Variants in CCND3 observed in about 807,000 individuals in gnomAD.
CCND3 encodes G1/S-specific cyclin-D3.
A neutral mutation model predicts 28.7 loss-of-function variants in CCND3; 9 were observed. The observed-to-expected ratio is 0.31, with a 90% CI of 0.19 to 0.55. The LOEUF (loss-of-function observed/expected upper bound fraction) is 0.55, where lower values mean the gene tolerates loss of function less well. Among genes scored for constraint, CCND3 ranks in the 20% least tolerant of loss-of-function variants. CCND3 has a pLI of 0.93. For synonymous variants in CCND3, 164 were observed against 163.9 expected, an observed-to-expected ratio of 1.00 and a Z score of 0.00; for missense variants, 315 against 385.8, an observed-to-expected ratio of 0.82 and a Z score of 1.54.
At chr6:41,959,782 C>T (rs897839125) in intron 1 of CCND3, among the ~76,000 whole-genome samples, 4 of 151,732 alleles carry the variant, frequency 2.6e-5, no homozygotes, top group African/African-American at 9.7e-5. Flanking sequence ...ATGGTGAAAT[C>T]CTATCTCTAC....
chr6:41,942,902 G>A (rs1776076870), upstream of CCND3, among the ~76,000 whole-genome samples: 2 of 108,170 alleles, frequency 1.8e-5, no homozygotes, highest in Non-Finnish European at 3.5e-5. Flanking sequence ...TTTTTGAGAC[G>A]AAGTCTCACT....
chr6:41,964,468 G>A (rs1761816481), intron 1 of CCND3, among the ~76,000 whole-genome samples: 1 of 134,520 alleles, frequency 7.4e-6, no homozygotes, highest in African/African-American at 3.1e-5. Context: ...GTGTGAGTGT[G>A]TGTGTGAGTG....
chr6:41,978,147 G>A lies in CCND3; in HGVS notation c.-45-37562C>T, dbSNP rs1235838105. 3.3e-5 allele frequency among the ~76,000 whole-genome samples: 5 copies of A among 151,892 alleles called. No individual in the cohort carries two copies. The South Asian group carries it at 6.2e-4, about 19-fold the overall frequency. On this transcript the variant is annotated intron_variant, in intron 1 of 4. Coordinates refer to the CCND3 transcript ENST00000372988. ...CCCAGCACTTTGGGAGGCCGAGACGGGTGGATCACGAGGTCAGGAGATCGA... is the reference window on the plus strand; with the variant it reads ...CCCAGCACTTTGGGAGGCCGAGACGAGTGGATCACGAGGTCAGGAGATCGA...
intron 1 of CCND3, among the ~76,000 whole-genome samples, chr6:42,007,509 CA>C (rs1763210875): frequency 1.3e-5 from 2 of 152,098 alleles, no homozygotes; most frequent in South Asian, 4.1e-4. Context: ...AGCCCAAATG[CA>C]GGGGGTTAAA....
chr6:42,015,772 G>A (rs1430125812), intron 1 of CCND3, among the ~76,000 whole-genome samples: 1 of 151,806 alleles, frequency 6.6e-6, no homozygotes, highest in African/African-American at 2.4e-5. Context: ...CATATTTATT[G>A]TGTACAATGT....
At chr6:41,949,116 A>C (rs1776241611) in intron 1 of CCND3, among the ~76,000 whole-genome samples, 1 of 152,148 alleles carries the variant, frequency 6.6e-6, no homozygotes, top group Non-Finnish European at 1.5e-5. Flanking sequence ...TGAGAGGCTA[A>C]GTTGGGAGGA....
chr6:41,969,361 CA>C (rs1231436678), intron 1 of CCND3, among the ~76,000 whole-genome samples: 5 of 151,608 alleles, frequency 3.3e-5, no homozygotes, highest in African/African-American at 1.2e-4. Flanking sequence ...ACTAAAAATA[CA>C]AAAATTAGCT....
intron 1 of CCND3, among the ~76,000 whole-genome samples, chr6:42,036,141 T>C (rs1353876188): frequency 6.6e-6 from 1 of 150,798 alleles, no homozygotes; most frequent in African/African-American, 2.4e-5. Context: ...TATAGGCATG[T>C]GCCATCATGC....
At chr6:41,964,511 T>C (rs1359842801) in intron 1 of CCND3, among the ~76,000 whole-genome samples, 1 of 151,790 alleles carries the variant, frequency 6.6e-6, no homozygotes, top group East Asian at 1.9e-4. Context: ...TGTGTGTGTG[T>C]GTGAGTGTGT....
At chr6:41,962,768 T>TG (rs1761755854) in intron 1 of CCND3, among the ~76,000 whole-genome samples, 3 of 151,664 alleles carry the variant, frequency 2.0e-5, no homozygotes, top group Admixed American at 2.0e-4. Flanking sequence ...AATTTTTTTT[T>TG]GAGACGGAGT....
intron 1 of CCND3, among the ~76,000 whole-genome samples, chr6:41,952,026 T>C (rs1776330839): frequency 6.6e-6 from 1 of 152,148 alleles, no homozygotes; most frequent in Non-Finnish European, 1.5e-5. Context: ...CCTCCCAACG[T>C]GCTGGGATTA....
At chr6:42,001,634 T>G (rs565171216) in intron 1 of CCND3, among the ~76,000 whole-genome samples, 1 of 152,180 alleles carries the variant, frequency 6.6e-6, no homozygotes, top group East Asian at 1.9e-4. Flanking sequence ...TCGCAGCTAC[T>G]GGGTGGCTGA....
chr6:41,973,419 T>C (rs1762088331), intron 1 of CCND3, among the ~76,000 whole-genome samples: 1 of 152,186 alleles, frequency 6.6e-6, no homozygotes, highest in South Asian at 2.1e-4. Flanking sequence ...TATCCAACCA[T>C]AGAGGACTCA....
Position 42,048,905 on chromosome 6 carries a change from G to A in CCND3, c.-450C>T, listed in dbSNP as rs547829225. The A allele has an allele frequency of 4.2e-5, 11 of 261,018 alleles. No individual in the cohort carries two copies. In the East Asian group the frequency reaches 1.8e-3, roughly 42 times the overall value. 16.2% of individuals were successfully genotyped at this position (261,018 alleles called of 1,614,324 possible). On this transcript the variant is annotated 5_prime_UTR_variant, in exon 1 of 5. Transcript: ENST00000372988. The surrounding 1 kb of genome is among the most constrained non-coding windows in gnomAD (Gnocchi z 4.7). The stretch of plus-strand genomic sequence containing the variant: ...CCACGCGGCATAGGTGCGGGGGCGG[G>A]GCGCCACGGAGGCTCAGGTGTGGGC...
At position 41,936,711 on chromosome 6, in the gene CCND3, AG is replaced by A. The variant is rs1186704643; in HGVS notation, c.575-17del. ...AAGGTATAATCTTGGAGAGGAGGAA[AG>A]GGAACCATGAGAGAAGGAAACCTGA... On this transcript the variant is annotated splice_polypyrimidine_tract_variant and intron_variant, in intron 3 of 4. Coordinates refer to ENST00000372991, the MANE Select transcript of CCND3 (RefSeq NM_001760.5). The surrounding 1 kb of genome is among the most constrained non-coding windows in gnomAD (Gnocchi z 4.4). 1 of 1,611,498 alleles carries A rather than the reference AG, an allele frequency of 6.2e-7. No homozygotes were observed. Among genetic ancestry groups the A allele is most frequent in the South Asian group, 1.1e-5 (1 of 90,912 alleles).
intron 1 of CCND3, among the ~76,000 whole-genome samples, chr6:41,989,591 T>A (rs1330567622): frequency 6.6e-6 from 1 of 151,892 alleles, no homozygotes; most frequent in Non-Finnish European, 1.5e-5. Flanking sequence ...CTAAATCATA[T>A]GTCATTAGAA....
chr6:41,966,699 G>C (rs1761896054), intron 1 of CCND3, among the ~76,000 whole-genome samples: 1 of 152,160 alleles, frequency 6.6e-6, no homozygotes, highest in Non-Finnish European at 1.5e-5. Context: ...CTGAGGGTCA[G>C]CTCCCTTCTA....
intron 1 of CCND3, among the ~76,000 whole-genome samples, chr6:41,971,183 G>C (rs151141065): frequency 6.6e-6 from 1 of 152,172 alleles, no homozygotes; most frequent in East Asian, 1.9e-4. Flanking sequence ...ATCCCAAAGT[G>C]TTGGGATTAC....
At chr6:41,987,495 CTCTCTCTCTCTCTCTCTCTCTCTGTG>C (rs1285747584) in intron 1 of CCND3, among the ~76,000 whole-genome samples, 2 of 77,408 alleles carry the variant, frequency 2.6e-5, no homozygotes, top group East Asian at 4.2e-4. Context: ...CTCTCTCTCT[CTCTCTCTCTCTCTCTCTCTCTCTGTG>C]TGTGTGTGTG....
Sources: gnomAD v4.1 joint callset for allele counts (sites outside exome capture counted in the v4.1 genomes callset) on GRCh38, gnomAD v4.1.1 for gene constraint, Gnocchi (gnomAD v3.1) non-coding constraint, MANE v1.5 for transcripts, NCBI Gene and HGNC (gene_info 2026-07-23, HGNC 2026-07-21) for gene names.